CSMD1: variants seen among roughly 807,000 people sequenced by gnomAD.
The protein encoded by CSMD1 is CUB and Sushi multiple domains 1, also known as CUB and sushi domain-containing protein 1.
CSMD1 carries 213 observed loss-of-function variants against 417.5 expected under a neutral mutation model. That is an observed-to-expected ratio of 0.51 (90% CI 0.46 to 0.57). CSMD1 has a LOEUF of 0.57. CSMD1 is among the 20% of genes least tolerant of loss of function. The pLI is 0.00. For synonymous variants in CSMD1, 2,862 were observed against 1,736.8 expected (o/e 1.65, Z -16.11); for missense variants, 6,923 against 4,529.7 (o/e 1.53, Z -15.17).
chr8:2,958,837 C>T (rs943533730), intron 62 of CSMD1, among the ~76,000 whole-genome samples: 2 of 152,314 alleles, frequency 1.3e-5, no homozygotes, highest in Middle Eastern at 3.4e-3. Flanking sequence ...CCTGTGTCTG[C>T]CTTCTCACAG....
chr8:3,152,172 G>C (rs573274473), intron 39 of CSMD1, among the ~76,000 whole-genome samples: 32 of 152,354 alleles, frequency 2.1e-4, no homozygotes, highest in Middle Eastern at 3.4e-3. Context: ...TATGCTGTGA[G>C]AGAGGGTGAA....
At chr8:3,056,164 TG>T (rs1812204933) in intron 49 of CSMD1, among the ~76,000 whole-genome samples, 1 of 152,242 alleles carries the variant, frequency 6.6e-6, no homozygotes, top group Non-Finnish European at 1.5e-5. Flanking sequence ...AAGAGTAAGT[TG>T]GTAGGTAGTA....
chr8:3,981,844 A>C (rs1813895729), intron 5 of CSMD1, among the ~76,000 whole-genome samples: 1 of 152,130 alleles, frequency 6.6e-6, no homozygotes. Flanking sequence ...GAGGGCGTGC[A>C]CTTGCTGCAG....
At chr8:4,447,011 G>A (rs1798850554) in intron 2 of CSMD1, among the ~76,000 whole-genome samples, 1 of 151,964 alleles carries the variant, frequency 6.6e-6, no homozygotes, top group Non-Finnish European at 1.5e-5. Flanking sequence ...CTGTTGCATG[G>A]AAGGGATTGT....
chr8:3,577,569 C>G (rs1030694413), intron 9 of CSMD1, among the ~76,000 whole-genome samples: 1 of 152,130 alleles, frequency 6.6e-6, no homozygotes, highest in Non-Finnish European at 1.5e-5. Flanking sequence ...ATTTGTTTAA[C>G]TTTGCCAATT....
At chr8:4,890,835 T>A (rs971586845) in intron 1 of CSMD1, among the ~76,000 whole-genome samples, 3 of 152,162 alleles carry the variant, frequency 2.0e-5, no homozygotes, top group Admixed American at 6.5e-5. Context: ...AGATGTGTGT[T>A]TGCTTTAGTC....
Position 3,865,053 on chromosome 8 carries a change from A to C in CSMD1, c.819-111011T>G, listed in dbSNP as rs562892942. Among the ~76,000 whole-genome samples, 4 of 152,172 alleles carry C rather than the reference A, an allele frequency of 2.6e-5. No homozygotes were observed. The South Asian group carries it at 8.3e-4, about 32-fold the overall frequency. On this transcript the variant is annotated intron_variant, in intron 5 of 69. Coordinates refer to ENST00000635120, the MANE Select transcript of CSMD1 (RefSeq NM_033225.6). ...GTCAAGTAAGACATGCTTTGATTCT[A>C]TTTCTCGGCATATGCCAACAGTGTT...
chr8:3,880,952 A>T (rs991864540), intron 5 of CSMD1, among the ~76,000 whole-genome samples: 1 of 152,226 alleles, frequency 6.6e-6, no homozygotes, highest in African/African-American at 2.4e-5. Flanking sequence ...ATTAGTATAG[A>T]AAAGACAACT....
rs760097490 is a variant in CSMD1 at position 3,586,313 on chromosome 8, T to C, written c.1098-53A>G. 2.3e-5 allele frequency: 34 copies of C among 1,467,100 alleles called. No individual in the cohort carries two copies. The South Asian group carries it at 4.2e-4, about 18-fold the overall frequency. The allele number at this position is 1,467,100 out of a possible 1,614,324, so 90.9% of individuals were successfully genotyped here. On this transcript the variant is annotated intron_variant, in intron 8 of 69. Coordinates refer to ENST00000635120, the MANE Select transcript of CSMD1 (RefSeq NM_033225.6). ...ACCCAAATTATTTACAGAAGACTTCTTTAGGAAAAAAAAAAAAATCAGCAA... is the reference window on the plus strand; with the variant it reads ...ACCCAAATTATTTACAGAAGACTTCCTTAGGAAAAAAAAAAAAATCAGCAA...
intron 9 of CSMD1, among the ~76,000 whole-genome samples, chr8:3,578,720 G>C (rs73660308): frequency 0.017 from 2,559 of 152,174 alleles, 76 homozygotes; most frequent in African/African-American, 0.057. Context: ...GGAGACAGCC[G>C]AGGGAAACTG....
intron 7 of CSMD1, among the ~76,000 whole-genome samples, chr8:3,684,104 ATATAT>A (rs1173206873): frequency 6.9e-6 from 1 of 145,820 alleles, no homozygotes; most frequent in East Asian, 2.0e-4. Flanking sequence ...TATAGATATT[ATATAT>A]TATATAATAT....
chr8:4,225,503 CT>C (rs11356680), intron 3 of CSMD1, among the ~76,000 whole-genome samples: 63,641 of 141,654 alleles, frequency 0.45, 15,241 homozygotes, highest in Non-Finnish European at 0.56. Flanking sequence ...CAACTCATCA[CT>C]TTTTTTTTTT....
chr8:3,523,355 G>C (rs1797593954), intron 10 of CSMD1, among the ~76,000 whole-genome samples: 1 of 152,308 alleles, frequency 6.6e-6, no homozygotes, highest in South Asian at 2.1e-4. Context: ...GTGTCATTCT[G>C]AGATTACGTG....
chr8:3,758,169 G>A (rs909551155), intron 5 of CSMD1, among the ~76,000 whole-genome samples: 1 of 152,016 alleles, frequency 6.6e-6, no homozygotes, highest in Non-Finnish European at 1.5e-5. Flanking sequence ...TCACCATTTT[G>A]GCCAGGCTGG....
chr8:4,942,068 C>G (rs1039029295), intron 1 of CSMD1, among the ~76,000 whole-genome samples: 2 of 152,288 alleles, frequency 1.3e-5, no homozygotes, highest in Middle Eastern at 3.4e-3. Context: ...CTTTAAGAAT[C>G]TCTCTTCACT....
At chr8:3,298,416 GGAAAT>G (rs1804130406) in intron 25 of CSMD1, among the ~76,000 whole-genome samples, 1 of 152,056 alleles carries the variant, frequency 6.6e-6, no homozygotes, top group Non-Finnish European at 1.5e-5. Context: ...TGAAGATTGA[GGAAAT>G]GAAGTGAGAC....
intron 4 of CSMD1, among the ~76,000 whole-genome samples, chr8:4,003,301 G>A (rs1226133720): frequency 6.6e-6 from 1 of 152,082 alleles, no homozygotes; most frequent in Non-Finnish European, 1.5e-5. Flanking sequence ...GCTGAGGCAG[G>A]AGAATGGTGT....
chr8:3,611,513 C>G (rs1439833218), intron 8 of CSMD1, among the ~76,000 whole-genome samples: 1 of 151,090 alleles, frequency 6.6e-6, no homozygotes, highest in African/African-American at 2.4e-5. Flanking sequence ...CTGAATGAGT[C>G]TTTTACTTCA....
intron 1 of CSMD1, among the ~76,000 whole-genome samples, chr8:4,915,525 G>T (rs529161720): frequency 6.6e-6 from 1 of 152,084 alleles, no homozygotes; most frequent in Non-Finnish European, 1.5e-5. Context: ...AGCAGGCCTG[G>T]CAGGAGCACG....
Sources: gnomAD v4.1 joint callset for allele counts (sites outside exome capture counted in the v4.1 genomes callset) on GRCh38, gnomAD v4.1.1 for gene constraint, MANE v1.5 for transcripts, NCBI Gene and HGNC (gene_info 2026-07-23, HGNC 2026-07-21) for gene names.